Variants in SPTBN1 observed in about 807,000 individuals in gnomAD.
SPTBN1 encodes spectrin beta, non-erythrocytic 1.
In SPTBN1, 32 loss-of-function variants were observed where a neutral mutation model predicts 266.4. That is an observed-to-expected ratio of 0.12 (90% CI 0.09 to 0.16). The LOEUF (loss-of-function observed/expected upper bound fraction) is 0.16. Ranked by LOEUF, SPTBN1 falls within the 10% of genes least tolerant of loss-of-function variation. The probability of loss-of-function intolerance (pLI) is 1.00; values close to 1 mark genes in which losing one functional copy is unlikely to be tolerated. For synonymous variants in SPTBN1, 1,336 were observed against 1,162.2 expected, an observed-to-expected ratio of 1.15 and a Z score of -3.04; for missense variants, 2,296 against 3,067.1, an observed-to-expected ratio of 0.75 and a Z score of 5.94.
At chr2:54,599,027 C>G in intron 2 of SPTBN1, 65 bp from the exon 3 acceptor site, 1 of 1,574,316 alleles carries the variant, frequency 6.4e-7, no homozygotes, top group South Asian at 1.2e-5. Flanking sequence ...TGTGGCCCTG[C>G]TAGCATGTGC....
rs1244235343 is a variant in SPTBN1, at chr2:54,649,867, G to C, written c.5455G>C (p.Gly1819Arg). ...TTACCACGATGCCAAGGAGATCTTT[G>C]GGCGTATACAGGACAAACACAAGAA... Reference protein sequence around the residue: ...KFYHDAKEIFGRIQDKHKKLP... With the variant: ...KFYHDAKEIFRRIQDKHKKLP... The change falls in exon 26 of 36, where the codon GGG becomes CGG. Residue 1819 changes from glycine (G) to arginine (R), a missense_variant. This residue lies in a region of SPTBN1 where 644 missense variants were observed against 745.3 expected (regional missense o/e 0.86). Transcript: ENST00000356805. This position sits in a 1 kb window ranked among gnomAD's most constrained non-coding sequence, Gnocchi z 6.7. The C allele has an allele frequency of 3.0e-5, 48 of 1,614,166 alleles. No homozygotes were observed. The highest frequency in any genetic ancestry group is 4.1e-5 in the Non-Finnish European group (48 of 1,180,038).
At chr2:54,485,606 C>T (rs1316234744) in intron 1 of SPTBN1, among the ~76,000 whole-genome samples, 24 of 152,224 alleles carry the variant, frequency 1.6e-4, no homozygotes, top group African/African-American at 5.5e-4. Context: ...CTCTGCCCGG[C>T]CGCCACCCCA....
Position 54,646,422 on chromosome 2 carries a change from G to A in SPTBN1, c.4813G>A (p.Glu1605Lys), listed in dbSNP as rs746896556. The change falls in exon 23 of 36, where the codon GAA (glutamate) becomes AAA (lysine). Residue 1605 changes from glutamate (E) to lysine (K), a missense_variant. Coordinates refer to ENST00000356805, the MANE Select transcript of SPTBN1 (RefSeq NM_003128.3). This position sits in a 1 kb window ranked among gnomAD's most constrained non-coding sequence, Gnocchi z 4.4. Reference sequence around the variant, plus strand: ...GTACTACTTTGACGCTGCTGAGGCCGAAGCCTGGATGAGCGAGCAGGAGCT... The same window carrying A: ...GTACTACTTTGACGCTGCTGAGGCCAAAGCCTGGATGAGCGAGCAGGAGCT... ...QQYYFDAAEA[E>K]AWMSEQELYM... The A allele has an allele frequency of 3.5e-5, 55 of 1,593,212 alleles. No homozygotes were observed. Among genetic ancestry groups the A allele is most frequent in the Non-Finnish European group, 4.3e-5 (50 of 1,169,898 alleles).
chr2:54,616,183 C>G, intron 4 of SPTBN1, 24 bp from the exon 5 acceptor site: 2 of 1,606,974 alleles, frequency 1.2e-6, no homozygotes, highest in South Asian at 1.1e-5. Flanking sequence ...ATCTATTTGT[C>G]TAATATTTCT....
chr2:54,655,899 C>T lies in SPTBN1; in HGVS notation c.5962-15C>T. 1.2e-6 allele frequency: 2 copies of T among 1,606,640 alleles called. No homozygotes were observed. The highest frequency in any genetic ancestry group is 8.5e-7 in the Non-Finnish European group (1 of 1,174,372). ...ATTCCATTAAGATGTCCCGGGGATC[C>T]TCTTTTTCATACAGATCAAGGAAAA... On this transcript the variant is annotated splice_polypyrimidine_tract_variant and intron_variant, in intron 28 of 35. Coordinates refer to ENST00000356805, the MANE Select transcript of SPTBN1 (RefSeq NM_003128.3).
Position 54,646,092 on chromosome 2 carries a change from G to A in SPTBN1, c.4584+75G>A, listed in dbSNP as rs1478323288. ...ATTATGAGACTGGGAATGGCAGAGA[G>A]CTTTGAAGCCTTGCTATTTCTTTCT... On this transcript the variant is annotated intron_variant, in intron 22 of 35. Transcript: ENST00000356805. This position sits in a 1 kb window ranked among gnomAD's most constrained non-coding sequence, Gnocchi z 4.4. 6.2e-7 allele frequency: 1 copy of A among 1,607,384 alleles called. No homozygotes were observed. Among genetic ancestry groups the A allele is most frequent in the Non-Finnish European group, 8.5e-7 (1 of 1,175,866 alleles).
In SPTBN1 at chr2:54,669,362, T is replaced by G. The variant is rs1681593557; in HGVS notation, c.*793T>G. ...TTGGTAAGTGTACAAGTGGTGGAAC[T>G]GAAGCATTTACTGGACAAAGTAATG... On this transcript the variant is annotated 3_prime_UTR_variant, in exon 36 of 36. Transcript: ENST00000356805. 1 of 152,648 alleles carries G rather than the reference T, an allele frequency of 6.6e-6. No individual in the cohort carries two copies. The highest frequency in any genetic ancestry group is 2.4e-5 in the African/African-American group (1 of 41,448). 9.5% of individuals were successfully genotyped at this position (152,648 alleles called of 1,614,324 possible).
At chr2:54,574,133 A>G (rs1379782160) in intron 2 of SPTBN1, among the ~76,000 whole-genome samples, 2 of 152,158 alleles carry the variant, frequency 1.3e-5, no homozygotes, top group Non-Finnish European at 1.5e-5. Context: ...AACAATAGCC[A>G]ACATTTATTG....
chr2:54,648,171 G>A (rs1042236131), intron 24 of SPTBN1, among the ~76,000 whole-genome samples: 3 of 152,190 alleles, frequency 2.0e-5, no homozygotes. Context: ...TTATGACTTG[G>A]AAAGGAATTG....
Position 54,612,947 on chromosome 2 carries a change from C to T in SPTBN1, c.474+613C>T, listed in dbSNP as rs548761000. 3.3e-5 allele frequency among the ~76,000 whole-genome samples: 5 copies of T among 152,178 alleles called. No individual in the cohort carries two copies. The East Asian group carries it at 5.8e-4, about 18-fold the overall frequency. ...CTCTAAGTATAGAAGTATTTTAAGC[C>T]GGAAGGTACTCTCAAGGTCATTTTG... On this transcript the variant is annotated intron_variant, in intron 4 of 35. Transcript: ENST00000356805.
chr2:54,632,335 C>T (rs1211361187), intron 16 of SPTBN1, among the ~76,000 whole-genome samples: 1 of 152,040 alleles, frequency 6.6e-6, no homozygotes, highest in Non-Finnish European at 1.5e-5. Flanking sequence ...GGTTCCTTTC[C>T]TCACTCTCTT....
chr2:54,512,156 C>G (rs1163126929), intron 1 of SPTBN1, among the ~76,000 whole-genome samples: 8 of 152,162 alleles, frequency 5.3e-5, no homozygotes, highest in Non-Finnish European at 1.2e-4. Context: ...AGCTGTACTT[C>G]GCTTGCTTGT....
chr2:54,572,175 A>C (rs371739044), intron 2 of SPTBN1, among the ~76,000 whole-genome samples: 13 of 149,502 alleles, frequency 8.7e-5, no homozygotes, highest in African/African-American at 3.1e-4. Flanking sequence ...GGGAGACAGA[A>C]ACAGTTCCCC....
chr2:54,644,938 C>A (rs1035691605), intron 20 of SPTBN1, among the ~76,000 whole-genome samples: 3 of 152,190 alleles, frequency 2.0e-5, no homozygotes, highest in African/African-American at 4.8e-5. Context: ...TGTTGTTTAA[C>A]ATCGTGATTT....
At chr2:54,556,791 C>T (rs1672908929) in intron 2 of SPTBN1, among the ~76,000 whole-genome samples, 1 of 152,086 alleles carries the variant, frequency 6.6e-6, no homozygotes, top group South Asian at 2.1e-4. Context: ...CACATCATCT[C>T]CTCAGTGACC....
intron 1 of SPTBN1, among the ~76,000 whole-genome samples, chr2:54,458,279 G>A (rs563537917): frequency 6.6e-6 from 1 of 152,222 alleles, no homozygotes; most frequent in African/African-American, 2.4e-5. Flanking sequence ...AATTCAGTAG[G>A]TTGTTTTAAA....
At chr2:54,662,979 A>C (rs546083798) in intron 32 of SPTBN1, 2 of 152,262 alleles carry the variant, frequency 1.3e-5, no homozygotes, top group South Asian at 4.1e-4. Context: ...ATTAAACTGC[A>C]TAGTTTCTAG....
intron 3 of SPTBN1, among the ~76,000 whole-genome samples, chr2:54,602,716 A>C (rs1676580760): frequency 2.6e-5 from 4 of 152,032 alleles, no homozygotes; most frequent in Admixed American, 2.6e-4. Context: ...AACAGAAAAG[A>C]GTGTGTGTGT....
At chr2:54,624,566 A>G (rs932787503) in intron 10 of SPTBN1, among the ~76,000 whole-genome samples, 2 of 152,200 alleles carry the variant, frequency 1.3e-5, no homozygotes, top group Non-Finnish European at 2.9e-5. Flanking sequence ...TTTGTTTTCC[A>G]AGTACAACAC....
Sources: gnomAD v4.1 joint callset for allele counts (sites outside exome capture counted in the v4.1 genomes callset) on GRCh38, gnomAD v4.1.1 for gene constraint, gnomAD v4.1.1 regional missense constraint, Gnocchi (gnomAD v3.1) non-coding constraint, MANE v1.5 for transcripts, NCBI Gene and HGNC (gene_info 2026-07-23, HGNC 2026-07-21) for gene names.